TAFA2: variants seen among roughly 807,000 people sequenced by gnomAD.
TAFA2 encodes the protein chemokine-like protein TAFA-2.
Under a neutral mutation model 18.8 loss-of-function variants are expected in TAFA2, and 7 were observed. The ratio of observed to expected loss-of-function variants is 0.37; its 90% CI spans 0.21 to 0.70. The LOEUF is 0.70. Among genes scored for constraint, TAFA2 ranks in the 30% least tolerant of loss-of-function variants. The pLI is 0.53. For synonymous variants in TAFA2, 60 were observed against 54.2 expected (o/e 1.11, Z -0.47); for missense variants, 122 against 158.1 (o/e 0.77, Z 1.23).
chr12:61,903,842 T>G (rs945117679), intron 1 of TAFA2, among the ~76,000 whole-genome samples: 3 of 152,154 alleles, frequency 2.0e-5, no homozygotes, highest in Admixed American at 1.3e-4. Flanking sequence ...TCTGAGAGAA[T>G]TCAAGAGTAA....
chr12:62,176,970 C>G (rs1490612790), intron 1 of TAFA2, among the ~76,000 whole-genome samples: 1 of 152,202 alleles, frequency 6.6e-6, no homozygotes, highest in Non-Finnish European at 1.5e-5. Flanking sequence ...CTTGGTCAAG[C>G]CACTTGCTTA....
At chr12:62,019,183 T>C (rs1881036952) in intron 1 of TAFA2, among the ~76,000 whole-genome samples, 1 of 152,038 alleles carries the variant, frequency 6.6e-6, no homozygotes, top group South Asian at 2.1e-4. Flanking sequence ...CAACAGGTGA[T>C]GGAGAGGATG....
intron 2 of TAFA2, among the ~76,000 whole-genome samples, chr12:61,808,194 T>G (rs2120994741): frequency 6.6e-6 from 1 of 151,660 alleles, no homozygotes; most frequent in Non-Finnish European, 1.5e-5. Context: ...CCCATGCTGT[T>G]CTTGTGACAG....
intron 1 of TAFA2, among the ~76,000 whole-genome samples, chr12:61,940,683 C>T (rs990046736): frequency 1.1e-4 from 17 of 152,276 alleles, no homozygotes; most frequent in Middle Eastern, 3.4e-3. Context: ...TTCTCATCTA[C>T]GCAGAGGTGC....
At chr12:61,853,758 TG>T (rs1873773928) in intron 2 of TAFA2, among the ~76,000 whole-genome samples, 1 of 152,150 alleles carries the variant, frequency 6.6e-6, no homozygotes, top group African/African-American at 2.4e-5. Context: ...AGGGTTTTTT[TG>T]TTTTGTTTTT....
chr12:62,251,196 G>A (rs1376502122), intron 1 of TAFA2, among the ~76,000 whole-genome samples: 1 of 152,180 alleles, frequency 6.6e-6, no homozygotes, highest in Non-Finnish European at 1.5e-5. Context: ...ACAGTATTAT[G>A]CAGTGGCAAA....
chr12:61,726,543 A>C (rs11174143), intron 4 of TAFA2, among the ~76,000 whole-genome samples: 2 of 151,894 alleles, frequency 1.3e-5, no homozygotes, highest in African/African-American at 4.8e-5. Context: ...CTTGGTCACT[A>C]TTGGTGTATA....
At chr12:62,209,393 G>A (rs1024230854) in intron 1 of TAFA2, among the ~76,000 whole-genome samples, 1 of 152,218 alleles carries the variant, frequency 6.6e-6, no homozygotes, top group Admixed American at 6.5e-5. Context: ...CTTCTGCCAT[G>A]ATTGTAAGTT....
At position 61,775,752 on chromosome 12, in the gene TAFA2, C is replaced by T. The variant is rs143702777; in HGVS notation, c.107-20728G>A. Among the ~76,000 whole-genome samples, 57 of 151,934 alleles carry T rather than the reference C, an allele frequency of 3.8e-4. 1 individual carries two copies. The East Asian group carries it at 0.011, about 29-fold the overall frequency. ...GCCTAAATCCATAGAATGTACAAAA[C>T]CAAAGTTAATCCTAATGTAAGCTAT... On this transcript the variant is annotated intron_variant, in intron 2 of 4. Coordinates refer to ENST00000416284, the MANE Select transcript of TAFA2 (RefSeq NM_178539.5).
intron 1 of TAFA2, among the ~76,000 whole-genome samples, chr12:62,043,993 T>C (rs1230457178): frequency 6.6e-6 from 1 of 152,130 alleles, no homozygotes; most frequent in Non-Finnish European, 1.5e-5. Context: ...TCCCCTTCAA[T>C]TCACAAAACT....
At chr12:61,763,975 A>C (rs1472539414) in intron 2 of TAFA2, among the ~76,000 whole-genome samples, 1 of 151,950 alleles carries the variant, frequency 6.6e-6, no homozygotes, top group Non-Finnish European at 1.5e-5. Flanking sequence ...AACTGTGCTG[A>C]CTAAATGATT....
intron 1 of TAFA2, among the ~76,000 whole-genome samples, chr12:61,882,972 A>G (rs1875213885): frequency 6.6e-6 from 1 of 152,246 alleles, no homozygotes. Flanking sequence ...AAAATATATT[A>G]TCTACAAAGC....
At chr12:61,775,137 G>T (rs1870202400) in intron 2 of TAFA2, among the ~76,000 whole-genome samples, 1 of 151,740 alleles carries the variant, frequency 6.6e-6, no homozygotes, top group African/African-American at 2.4e-5. Flanking sequence ...CTCTTAGAAT[G>T]ACCAAAATTC....
intron 1 of TAFA2, among the ~76,000 whole-genome samples, chr12:61,961,875 C>A (rs1421924564): frequency 6.6e-6 from 1 of 151,996 alleles, no homozygotes; most frequent in Middle Eastern, 3.4e-3. Context: ...TTCCTGTTGC[C>A]TACTTAAAAT....
chr12:62,217,249 C>A (rs1222324743), intron 1 of TAFA2, among the ~76,000 whole-genome samples: 1 of 152,126 alleles, frequency 6.6e-6, no homozygotes, highest in African/African-American at 2.4e-5. Context: ...ATCCAGCAGA[C>A]CTTTCAGTAT....
rs184519855 is a variant in TAFA2 at position 61,998,468 on chromosome 12, C to T, written c.-1-131042G>A. On this transcript the variant is annotated intron_variant, in intron 1 of 4. Coordinates refer to ENST00000416284, the MANE Select transcript of TAFA2 (RefSeq NM_178539.5). Reference sequence around the variant, plus strand: ...TTTTATACCACAGGTAAGTATCTTTCCCCTCTTTAACCAAAATTTCAGATA... The same window carrying T: ...TTTTATACCACAGGTAAGTATCTTTTCCCTCTTTAACCAAAATTTCAGATA... 4.6e-5 allele frequency among the ~76,000 whole-genome samples: 7 copies of T among 152,256 alleles called. No homozygotes were observed. In the East Asian group the frequency reaches 1.2e-3, roughly 25 times the overall value.
At chr12:61,922,338 C>T (rs1016376296) in intron 1 of TAFA2, among the ~76,000 whole-genome samples, 9 of 150,922 alleles carry the variant, frequency 6.0e-5, no homozygotes, top group Non-Finnish European at 1.0e-4. Context: ...CAGCTCCGGT[C>T]TGCAGCTCCC....
At chr12:62,021,677 G>A (rs577033619) in intron 1 of TAFA2, 11 of 1,414,170 alleles carry the variant, frequency 7.8e-6, no homozygotes, top group African/African-American at 4.2e-5. Context: ...CGATGCTCAC[G>A]TGGTCAGGCA....
intron 1 of TAFA2, among the ~76,000 whole-genome samples, chr12:62,109,358 T>G (rs1869614957): frequency 6.6e-6 from 1 of 152,202 alleles, no homozygotes. Flanking sequence ...TTGGTACCAG[T>G]ACCATGCTGT....
Sources: gnomAD v4.1 joint callset for allele counts (sites outside exome capture counted in the v4.1 genomes callset) on GRCh38, gnomAD v4.1.1 for gene constraint, MANE v1.5 for transcripts, NCBI Gene and HGNC (gene_info 2026-07-23, HGNC 2026-07-21) for gene names.